TGFBR3: variants seen among roughly 807,000 people sequenced by gnomAD.
TGFBR3 encodes the protein transforming growth factor beta receptor 3.
In TGFBR3, 46 loss-of-function variants were observed where a neutral mutation model predicts 87.9. The ratio of observed to expected loss-of-function variants is 0.52; its 90% confidence interval spans 0.41 to 0.67. TGFBR3 has a LOEUF of 0.67. TGFBR3 is among the 30% of genes least tolerant of loss of function. The pLI is 0.00. For missense variants in TGFBR3, 866 were observed against 1,041.9 expected, an observed-to-expected ratio of 0.83 and a Z score of 2.32; for synonymous variants, 381 against 391.6, an observed-to-expected ratio of 0.97 and a Z score of 0.32.
At position 91,698,106 on chromosome 1, in the gene TGFBR3, G is replaced by T. The variant is rs1207651071; in HGVS notation, c.2312C>A (p.Pro771Gln). Residue 771 changes from proline to glutamine, a missense_variant, in exon 15 of 17, where the codon CCA becomes CAA. Pro to Gln is a moderately conservative substitution (Grantham distance 76). Coordinates refer to ENST00000212355, the MANE Select transcript of TGFBR3 (RefSeq NM_003243.5). Reference sequence around the variant, plus strand: ...AGACTTACGTGGAGAAATTGGATTTGGTTCCTTCATGCTTGGACCTTTTTC... The same window carrying T: ...AGACTTACGTGGAGAAATTGGATTTTGTTCCTTCATGCTTGGACCTTTTTC... ...SKEKGPSMKEPNPISPPIFHG... is the reference protein window; with the variant it reads ...SKEKGPSMKEQNPISPPIFHG... 1.2e-5 allele frequency: 19 copies of T among 1,613,864 alleles called. No individual in the cohort carries two copies. The highest frequency in any genetic ancestry group is 1.1e-5 in the Non-Finnish European group (13 of 1,179,918).
At chr1:91,833,294 T>TAAA (rs1676925639) in intron 2 of TGFBR3, among the ~76,000 whole-genome samples, 2 of 10,020 alleles carry the variant, frequency 2.0e-4, no homozygotes, top group East Asian at 8.3e-3. Flanking sequence ...AGACTCCGAC[T>TAAA]CAAAAAAAAA....
At chr1:91,833,307 A>AC (rs1217656029) in intron 2 of TGFBR3, among the ~76,000 whole-genome samples, 15 of 146,264 alleles carry the variant, frequency 1.0e-4, no homozygotes, top group East Asian at 4.1e-4. Flanking sequence ...AAAAAAAAAA[A>AC]AAAAAAAAAC....
intron 4 of TGFBR3, among the ~76,000 whole-genome samples, chr1:91,758,385 A>G (rs1348613494): frequency 6.6e-6 from 1 of 152,164 alleles, no homozygotes; most frequent in East Asian, 1.9e-4. Context: ...TAATGTGCGC[A>G]CTAGACCCCA....
chr1:91,729,744 C>G (rs541839206), intron 6 of TGFBR3, 61 bp downstream of exon 6: 2 of 1,595,984 alleles, frequency 1.3e-6, no homozygotes, highest in East Asian at 4.5e-5. Flanking sequence ...CTCCCTGCCT[C>G]AAGTCAAGGA....
chr1:91,838,016 A>G (rs1677121426), intron 2 of TGFBR3, among the ~76,000 whole-genome samples: 1 of 152,198 alleles, frequency 6.6e-6, no homozygotes, highest in Admixed American at 6.5e-5. Flanking sequence ...TGGGGTTTAA[A>G]GAAACTTGGA....
chr1:91,706,001 T>A (rs542603880), intron 14 of TGFBR3, among the ~76,000 whole-genome samples: 1 of 152,326 alleles, frequency 6.6e-6, no homozygotes, highest in East Asian at 1.9e-4. Context: ...GAAGAATGGA[T>A]GAATTGCTGG....
chr1:91,712,242 C>T lies in TGFBR3; in HGVS notation c.2166+1G>A. ...ATCCGAATGGATGAAGGCCCACAAA[C>T]CTTAGGCAACTTCTGGGGGTGCTTC... On this transcript the variant is annotated splice_donor_variant, in intron 13 of 16. Coordinates refer to ENST00000212355, the MANE Select transcript of TGFBR3 (RefSeq NM_003243.5). LOFTEE classifies it high-confidence loss of function. 3 of 1,613,996 alleles carry T rather than the reference C, an allele frequency of 1.9e-6. No homozygotes were observed. Among genetic ancestry groups the T allele is most frequent in the Non-Finnish European group, 2.5e-6 (3 of 1,179,954 alleles).
At chr1:91,753,341 G>A (rs1317917918) in intron 4 of TGFBR3, among the ~76,000 whole-genome samples, 1 of 121,252 alleles carries the variant, frequency 8.2e-6, no homozygotes, top group East Asian at 2.8e-4. Context: ...AGTGAGGCAT[G>A]TTTGCACCAC....
At chr1:91,808,813 A>G (rs775389921) in intron 2 of TGFBR3, among the ~76,000 whole-genome samples, 21 of 152,156 alleles carry the variant, frequency 1.4e-4, no homozygotes, top group Non-Finnish European at 1.9e-4. Flanking sequence ...TATTCTTCTC[A>G]CAAGAAGGAA....
upstream of TGFBR3, among the ~76,000 whole-genome samples, chr1:91,889,834 C>T (rs1214527819): frequency 1.3e-5 from 2 of 151,616 alleles, no homozygotes; most frequent in African/African-American, 4.9e-5. Context: ...GCACCCACCA[C>T]CATGCCTGGT....
intron 1 of TGFBR3, among the ~76,000 whole-genome samples, chr1:91,868,996 T>A (rs983481339): frequency 2.6e-5 from 4 of 152,198 alleles, no homozygotes; most frequent in Admixed American, 2.0e-4. Context: ...CCAGCCACAC[T>A]AGTGTCAATT....
At chr1:91,716,138 A>G in intron 12 of TGFBR3, 98 bp downstream of exon 12, 1 of 1,442,028 alleles carries the variant, frequency 6.9e-7, no homozygotes, top group South Asian at 1.2e-5. Context: ...TCTGTGAGGT[A>G]GGACAGGAAG....
chr1:91,726,462 G>A (rs1048145367), intron 7 of TGFBR3, among the ~76,000 whole-genome samples: 1 of 151,646 alleles, frequency 6.6e-6, no homozygotes, highest in Non-Finnish European at 1.5e-5. Flanking sequence ...TAGGCTTTGG[G>A]CTTGACAACA....
At chr1:91,849,589 G>C (rs1212034965) in intron 2 of TGFBR3, among the ~76,000 whole-genome samples, 1 of 152,002 alleles carries the variant, frequency 6.6e-6, no homozygotes, top group East Asian at 1.9e-4. Flanking sequence ...CTTTTTATTC[G>C]ACGAACCTGC....
chr1:91,834,816 T>C, intron 2 of TGFBR3, among the ~76,000 whole-genome samples: 1 of 152,132 alleles, frequency 6.6e-6, no homozygotes, highest in East Asian at 1.9e-4. Flanking sequence ...GTAGTTGAGA[T>C]TACAGGCGCC....
rs1670867782 is a variant in TGFBR3 at position 91,680,386 on chromosome 1, T to C, written c.*3353A>G. The C allele has an allele frequency of 2.2e-6, 1 of 451,388 alleles. No individual in the cohort carries two copies. Among genetic ancestry groups the C allele is most frequent in the African/African-American group, 2.0e-5 (1 of 49,732 alleles). The allele number at this position is 451,388 out of a possible 1,614,324, so 28.0% of individuals were successfully genotyped here. ...CTTTTTATTATGCACAGATAAAAGA[T>C]TTAAAACTGTGGTTATCAAAACTAT... On this transcript the variant is annotated 3_prime_UTR_variant, in exon 17 of 17. Transcript: ENST00000212355.
chr1:91,880,786 G>A (rs1012996064), intron 1 of TGFBR3, among the ~76,000 whole-genome samples: 1 of 151,446 alleles, frequency 6.6e-6, no homozygotes, highest in African/African-American at 2.4e-5. Flanking sequence ...AGATGAGGCA[G>A]GAGGATCACT....
At chr1:91,755,184 C>T (rs553692379) in intron 4 of TGFBR3, 3 of 152,158 alleles carry the variant, frequency 2.0e-5, no homozygotes, top group African/African-American at 4.8e-5. Context: ...CAAACTTTAA[C>T]TCTTAACTAT....
chr1:91,726,066 A>C (rs1346333300), intron 7 of TGFBR3, among the ~76,000 whole-genome samples: 2 of 152,198 alleles, frequency 1.3e-5, no homozygotes, highest in African/African-American at 4.8e-5. Context: ...GCCTGGAACA[A>C]GCGTACAGCC....
Sources: gnomAD v4.1 joint callset for allele counts (sites outside exome capture counted in the v4.1 genomes callset) on GRCh38, gnomAD v4.1.1 for gene constraint, MANE v1.5 for transcripts, NCBI Gene and HGNC (gene_info 2026-07-23, HGNC 2026-07-21) for gene names.